PLXNC1: variants seen among roughly 807,000 people sequenced by gnomAD.
PLXNC1 encodes plexin C1, also known as plexin-C1.
In PLXNC1, 75 loss-of-function variants were observed where a neutral mutation model predicts 178.2. The ratio of observed to expected loss-of-function variants is 0.42; its 90% confidence interval spans 0.35 to 0.51. PLXNC1 has a LOEUF of 0.51. Ranked by LOEUF, PLXNC1 falls within the 20% of genes least tolerant of loss-of-function variation. The pLI, the probability that PLXNC1 is intolerant of heterozygous loss-of-function variation, is 0.02. For missense variants in PLXNC1, 1,503 were observed against 1,984.4 expected, an observed-to-expected ratio of 0.76 and a Z score of 4.61; for synonymous variants, 790 against 779.9, an observed-to-expected ratio of 1.01 and a Z score of -0.22.
intron 11 of PLXNC1, among the ~76,000 whole-genome samples, chr12:94,241,244 A>G (rs1964380730): frequency 6.6e-6 from 1 of 152,134 alleles, no homozygotes; most frequent in Non-Finnish European, 1.5e-5. Flanking sequence ...ATACTTGTAC[A>G]TGTTTATGGG....
At chr12:94,202,187 G>A (rs986054325) in intron 4 of PLXNC1, among the ~76,000 whole-genome samples, 1 of 152,114 alleles carries the variant, frequency 6.6e-6, no homozygotes, top group Non-Finnish European at 1.5e-5. Flanking sequence ...TGCAGAAGAC[G>A]TACCTCAATT....
At chr12:94,258,844 G>C (rs1473962420) in intron 17 of PLXNC1, among the ~76,000 whole-genome samples, 1 of 152,244 alleles carries the variant, frequency 6.6e-6, no homozygotes, top group East Asian at 1.9e-4. Flanking sequence ...ACCAGGACTG[G>C]AACCCAAGTA....
rs1452065082 is a variant in PLXNC1 at position 94,186,357 on chromosome 12, T to C, written c.1339-16T>C. Reference sequence around the variant, plus strand: ...GCTTATAATTCCATCTGAACCATTGTCCTCTTTCCTTTTAGGTGAGGAGAA... The same window carrying C: ...GCTTATAATTCCATCTGAACCATTGCCCTCTTTCCTTTTAGGTGAGGAGAA... On this transcript the variant is annotated splice_polypyrimidine_tract_variant and intron_variant, in intron 3 of 30. Coordinates refer to ENST00000258526, the MANE Select transcript of PLXNC1 (RefSeq NM_005761.3). 2 of 1,568,934 alleles carry C rather than the reference T, an allele frequency of 1.3e-6. No homozygotes were observed. Among genetic ancestry groups the C allele is most frequent in the Non-Finnish European group, 8.8e-7 (1 of 1,138,848 alleles).
intron 1 of PLXNC1, among the ~76,000 whole-genome samples, chr12:94,152,544 T>C (rs7131826): frequency 0.37 from 55,688 of 152,138 alleles, 10,518 homozygotes; most frequent in Non-Finnish European, 0.42. Context: ...AGGTCTTGAA[T>C]GTGTTTTTGA....
chr12:94,243,820 G>T, intron 11 of PLXNC1, 118 bp from the exon 12 acceptor site: 1 of 473,854 alleles, frequency 2.1e-6, no homozygotes. Context: ...TCATTAATTT[G>T]CTCTCAAACA....
intron 21 of PLXNC1, among the ~76,000 whole-genome samples, chr12:94,267,465 T>C (rs1243549802): frequency 6.6e-6 from 1 of 152,176 alleles, no homozygotes; most frequent in African/African-American, 2.4e-5. Flanking sequence ...CTCTTGAAAT[T>C]TTTTTTTCTT....
intron 4 of PLXNC1, among the ~76,000 whole-genome samples, chr12:94,205,492 A>G (rs1194256056): frequency 6.6e-6 from 1 of 152,238 alleles, no homozygotes; most frequent in African/African-American, 2.4e-5. Context: ...CTGGAAACCT[A>G]ATCACTGTTT....
intron 1 of PLXNC1, among the ~76,000 whole-genome samples, chr12:94,154,658 A>T (rs181335734): frequency 6.1e-4 from 93 of 152,338 alleles, no homozygotes; most frequent in African/African-American, 2.1e-3. Flanking sequence ...AGCCCTTGCA[A>T]CTGCTATGCT....
intron 21 of PLXNC1, among the ~76,000 whole-genome samples, chr12:94,269,818 ATAGT>A (rs1254029861): frequency 1.3e-5 from 2 of 152,184 alleles, no homozygotes; most frequent in Admixed American, 1.3e-4. Context: ...TACTAACTTC[ATAGT>A]TAGTGTTCTG....
At position 94,285,491 on chromosome 12, in the gene PLXNC1, G is replaced by A. The variant is rs941733195; in HGVS notation, c.3879+3090G>A. On this transcript the variant is annotated intron_variant, in intron 23 of 30. Coordinates refer to ENST00000258526, the MANE Select transcript of PLXNC1 (RefSeq NM_005761.3). ...AAGCTGCAGGCTAGCAACTTGCCCCGTGCTCACTCTCCTATAGCTCAGACT... is the reference window on the plus strand; with the variant it reads ...AAGCTGCAGGCTAGCAACTTGCCCCATGCTCACTCTCCTATAGCTCAGACT... Among the ~76,000 whole-genome samples the A allele has an allele frequency of 3.9e-5, 6 of 152,250 alleles. No homozygotes were observed. In the East Asian group the frequency reaches 1.2e-3, roughly 29 times the overall value.
intron 21 of PLXNC1, among the ~76,000 whole-genome samples, chr12:94,278,711 C>G (rs1565851795): frequency 6.6e-6 from 1 of 152,144 alleles, no homozygotes; most frequent in Non-Finnish European, 1.5e-5. Flanking sequence ...AAAGTGACCT[C>G]TTTGGGCCGG....
chr12:94,186,180 A>G, intron 3 of PLXNC1, 193 bp from the exon 4 acceptor site: 1 of 502,958 alleles, frequency 2.0e-6, no homozygotes, highest in Non-Finnish European at 3.6e-6. Flanking sequence ...ACGCACTGTC[A>G]AAAGCTCCCC....
chr12:94,293,006 G>A (rs1421141682), intron 23 of PLXNC1, among the ~76,000 whole-genome samples: 1 of 152,080 alleles, frequency 6.6e-6, no homozygotes. Flanking sequence ...CACTACCGCT[G>A]CTCTCTTCTC....
chr12:94,204,449 T>C (rs977419398), intron 4 of PLXNC1, among the ~76,000 whole-genome samples: 1 of 152,280 alleles, frequency 6.6e-6, no homozygotes, highest in African/African-American at 2.4e-5. Flanking sequence ...AAAAAATCTT[T>C]TAATTGTCTC....
At chr12:94,266,247 A>C (rs918093776) in intron 21 of PLXNC1, among the ~76,000 whole-genome samples, 4 of 152,166 alleles carry the variant, frequency 2.6e-5, no homozygotes, top group African/African-American at 9.7e-5. Context: ...AATAGTCCGT[A>C]GGTCAGCTGT....
At chr12:94,181,967 CCA>C (rs909419570) in intron 3 of PLXNC1, among the ~76,000 whole-genome samples, 9 of 152,042 alleles carry the variant, frequency 5.9e-5, no homozygotes, top group African/African-American at 2.2e-4. Flanking sequence ...TAATATCAGG[CCA>C]CAGTCTCATA....
intron 21 of PLXNC1, among the ~76,000 whole-genome samples, chr12:94,266,192 C>A (rs1410351135): frequency 6.6e-6 from 1 of 152,130 alleles, no homozygotes; most frequent in Non-Finnish European, 1.5e-5. Flanking sequence ...GGAGAAGGCA[C>A]CACTTTGCCG....
intron 23 of PLXNC1, among the ~76,000 whole-genome samples, chr12:94,292,881 A>G (rs1209007825): frequency 6.6e-6 from 1 of 152,194 alleles, no homozygotes; most frequent in African/African-American, 2.4e-5. Context: ...GTATATACCT[A>G]CAGAAAAACA....
At chr12:94,181,625 T>C (rs1413645385) in intron 3 of PLXNC1, 45 bp downstream of exon 3, 1 of 1,494,398 alleles carries the variant, frequency 6.7e-7, no homozygotes, top group Non-Finnish European at 9.3e-7. Context: ...TGAATAAAAA[T>C]GGTTTAATTG....
Sources: gnomAD v4.1 joint callset for allele counts (sites outside exome capture counted in the v4.1 genomes callset) on GRCh38, gnomAD v4.1.1 for gene constraint, MANE v1.5 for transcripts, NCBI Gene and HGNC (gene_info 2026-07-23, HGNC 2026-07-21) for gene names.